The following ATP6V1G1 variants were observed in gnomAD, a reference collection of about 807,000 sequenced individuals.
The protein encoded by ATP6V1G1 is ATPase H+ transporting V1 subunit G1.
A neutral mutation model predicts 14.2 loss-of-function variants in ATP6V1G1; 14 were observed. That is an observed-to-expected ratio of 0.99 (90% CI 0.65 to 1.55). ATP6V1G1 has a LOEUF of 1.55. Ranked by LOEUF, ATP6V1G1 falls within the 40% of genes most tolerant of loss-of-function variation. The probability of loss-of-function intolerance (pLI) is 0.00; values close to 1 mark genes in which losing one functional copy is unlikely to be tolerated. For missense variants in ATP6V1G1, 137 were observed against 146.4 expected (o/e 0.94, Z 0.33); for synonymous variants, 65 against 53.3 (o/e 1.22, Z -0.96).
intron 1 of ATP6V1G1, among the ~76,000 whole-genome samples, chr9:114,590,299 A>T (rs946510912): frequency 7.0e-6 from 1 of 143,472 alleles, no homozygotes; most frequent in African/African-American, 2.6e-5. Context: ...TCACTCTGTC[A>T]CTCAGGCTAG....
At chr9:114,593,664 T>A (rs1292612862) in intron 2 of ATP6V1G1, among the ~76,000 whole-genome samples, 1 of 149,770 alleles carries the variant, frequency 6.7e-6, no homozygotes, top group Non-Finnish European at 1.5e-5. Context: ...GCTCAGCTAA[T>A]TTTTTTTTTG....
intron 1 of ATP6V1G1, 23 bp downstream of exon 1, chr9:114,587,943 C>G: frequency 6.4e-7 from 1 of 1,557,242 alleles, no homozygotes; most frequent in Non-Finnish European, 8.7e-7. Flanking sequence ...GTGGGGCTGC[C>G]CGGCGTGGCG....
chr9:114,593,701 G>C (rs1362046530), intron 2 of ATP6V1G1, among the ~76,000 whole-genome samples: 2 of 151,872 alleles, frequency 1.3e-5, no homozygotes, highest in Non-Finnish European at 2.9e-5. Context: ...GTCTTGCTGT[G>C]TTGCCTTGGC....
chr9:114,591,644 T>C (rs1845182980), intron 1 of ATP6V1G1, among the ~76,000 whole-genome samples: 1 of 152,222 alleles, frequency 6.6e-6, no homozygotes, highest in Non-Finnish European at 1.5e-5. Context: ...TCCAAAGTTC[T>C]GTTCTGAATC....
Position 114,597,714 on chromosome 9 carries a change from A to T in ATP6V1G1, c.328A>T (p.Ile110Phe), listed in dbSNP as rs1392573463. 6.3e-7 allele frequency: 1 copy of T among 1,586,776 alleles called. No individual in the cohort carries two copies. Among genetic ancestry groups the T allele is most frequent in the African/African-American group, 1.4e-5 (1 of 73,216 alleles). The change falls in exon 3 of 3, where the codon ATC (isoleucine) becomes TTC (phenylalanine). Residue 110 changes from isoleucine to phenylalanine, a missense_variant. Ile to Phe is a conservative substitution (Grantham distance 21). Transcript: ENST00000374050. ...LAFVCDIRPE[I>F]HENYRING ...TTTTGTCTGTGACATTCGGCCAGAA[A>T]TCCATGAAAACTACCGCATAAATGG... is the stretch of plus-strand genomic sequence containing the variant.
In ATP6V1G1 at chr9:114,598,699, T is replaced by G. The variant is rs1812276379; in HGVS notation, c.*956T>G. The stretch of plus-strand genomic sequence containing the variant: ...TTCCTTCCTGGTGGGCTAGATGATG[T>G]GCATTATACCTGTAGTACCTTCATA... On this transcript the variant is annotated 3_prime_UTR_variant, in exon 3 of 3. Transcript: ENST00000374050. Among the ~76,000 whole-genome samples the G allele has an allele frequency of 6.6e-6, 1 of 152,238 alleles. No individual in the cohort carries two copies. The highest frequency in any genetic ancestry group is 2.4e-5 in the African/African-American group (1 of 41,466).
chr9:114,595,305 G>A (rs1002705691), intron 2 of ATP6V1G1, among the ~76,000 whole-genome samples: 6 of 152,190 alleles, frequency 3.9e-5, no homozygotes, highest in Non-Finnish European at 7.3e-5. Flanking sequence ...TAGCAACTGA[G>A]CTGTTAATGA....
At chr9:114,591,032 G>C (rs925332474) in intron 1 of ATP6V1G1, among the ~76,000 whole-genome samples, 1 of 151,782 alleles carries the variant, frequency 6.6e-6, no homozygotes, top group African/African-American at 2.4e-5. Context: ...CTGACCTTGT[G>C]ATCTGCTCAC....
At chr9:114,589,019 G>T (rs1291590484) in intron 1 of ATP6V1G1, among the ~76,000 whole-genome samples, 1 of 152,146 alleles carries the variant, frequency 6.6e-6, no homozygotes, top group Non-Finnish European at 1.5e-5. Context: ...TTCACCTGCA[G>T]GTTTTTGCAC....
At chr9:114,594,524 C>T (rs1012463573) in intron 2 of ATP6V1G1, among the ~76,000 whole-genome samples, 1 of 151,950 alleles carries the variant, frequency 6.6e-6, no homozygotes, top group African/African-American at 2.4e-5. Context: ...GCTGAGACTG[C>T]AGGTGTGCGC....
intron 2 of ATP6V1G1, among the ~76,000 whole-genome samples, chr9:114,594,134 A>T (rs1199705678): frequency 6.8e-6 from 1 of 148,088 alleles, no homozygotes. Context: ...CAATGGCATG[A>T]TCTCGGCTCA....
intron 1 of ATP6V1G1, among the ~76,000 whole-genome samples, chr9:114,588,361 TC>T (rs1211040680): frequency 6.6e-6 from 1 of 151,750 alleles, no homozygotes; most frequent in Non-Finnish European, 1.5e-5. Flanking sequence ...TTTCACTTTT[TC>T]CCCCATGTCT....
intron 1 of ATP6V1G1, among the ~76,000 whole-genome samples, chr9:114,591,709 G>A (rs560045217): frequency 2.6e-5 from 4 of 152,044 alleles, no homozygotes; most frequent in African/African-American, 9.7e-5. Context: ...CTAGACAGTT[G>A]GTATACAATG....
At chr9:114,594,922 C>T (rs1222796754) in intron 2 of ATP6V1G1, among the ~76,000 whole-genome samples, 6 of 141,108 alleles carry the variant, frequency 4.3e-5, no homozygotes, top group Admixed American at 7.3e-5. Context: ...TGCAATGGCG[C>T]GATCTTGGCT....
intron 2 of ATP6V1G1, among the ~76,000 whole-genome samples, chr9:114,593,487 G>T (rs773879509): frequency 6.6e-6 from 1 of 151,950 alleles, no homozygotes; most frequent in Non-Finnish European, 1.5e-5. Flanking sequence ...CAAAAATTTT[G>T]ATCAATTTTT....
At position 114,597,895 on chromosome 9, in the gene ATP6V1G1, TC is replaced by T. The variant is rs1420311735; in HGVS notation, c.*153del. 3 of 660,490 alleles carry T rather than the reference TC, an allele frequency of 4.5e-6. No homozygotes were observed. Among genetic ancestry groups the T allele is most frequent in the Non-Finnish European group, 6.5e-6 (3 of 464,852 alleles). 40.9% of individuals were successfully genotyped at this position (660,490 alleles called of 1,614,324 possible). A position where few individuals can be genotyped will look rare whatever the true frequency, so the allele number is the denominator to read the frequency against. ...CTTCCACTTTTTGGAGAGTAGCAAA[TC>T]TAGCTTTTTTGTACAGACTTAGAAA... On this transcript the variant is annotated 3_prime_UTR_variant, in exon 3 of 3. Transcript: ENST00000374050.
At chr9:114,588,538 TG>T (rs1845152120) in intron 1 of ATP6V1G1, among the ~76,000 whole-genome samples, 1 of 150,938 alleles carries the variant, frequency 6.6e-6, no homozygotes, top group Non-Finnish European at 1.5e-5. Flanking sequence ...TGTGTGTGTG[TG>T]TTTCTGTCTA....
Position 114,587,801 on chromosome 9 carries a change from C to G in ATP6V1G1, c.-38C>G, listed in dbSNP as rs757471145. 1.6e-5 allele frequency: 25 copies of G among 1,560,064 alleles called. No homozygotes were observed. The highest frequency in any genetic ancestry group is 1.7e-4 in the Middle Eastern group (1 of 6,018). ...CTGACCCAAGGGGCCTTCGAGGTGC[C>G]TTAGGCCGCTTGCCTTGCTCTCAGA... On this transcript the variant is annotated 5_prime_UTR_variant, in exon 1 of 3. Coordinates refer to ENST00000374050, the MANE Select transcript of ATP6V1G1 (RefSeq NM_004888.4).
chr9:114,597,746 G>T lies in ATP6V1G1; in HGVS notation c.*3G>T. On this transcript the variant is annotated 3_prime_UTR_variant, in exon 3 of 3. Transcript: ENST00000374050. ...AAAACTACCGCATAAATGGATAGAA[G>T]AGAGAAGCACCTGTGCTGTGGAGTG... 1 of 1,572,686 alleles carries T rather than the reference G, an allele frequency of 6.4e-7. No homozygotes were observed. Among genetic ancestry groups the T allele is most frequent in the Non-Finnish European group, 8.6e-7 (1 of 1,164,742 alleles).
Sources: gnomAD v4.1 joint callset for allele counts (sites outside exome capture counted in the v4.1 genomes callset) on GRCh38, gnomAD v4.1.1 for gene constraint, MANE v1.5 for transcripts, NCBI Gene and HGNC (gene_info 2026-07-23, HGNC 2026-07-21) for gene names.